Variants in USP12 observed in about 807,000 individuals in gnomAD.
The protein encoded by USP12 is ubiquitin specific peptidase 12.
A neutral mutation model predicts 45.5 loss-of-function variants in USP12; 19 were observed. The observed-to-expected ratio is 0.42, with a 90% CI of 0.29 to 0.61. The LOEUF (loss-of-function observed/expected upper bound fraction) is 0.61, where lower values mean the gene tolerates loss of function less well. Among genes scored for constraint, USP12 ranks in the 20% least tolerant of loss-of-function variants. The pLI, the probability that USP12 is intolerant of heterozygous loss-of-function variation, is 0.22. For missense variants in USP12, 242 were observed against 447.7 expected, an observed-to-expected ratio of 0.54 and a Z score of 4.15; for synonymous variants, 149 against 148.8, an observed-to-expected ratio of 1.00 and a Z score of -0.01.
chr13:27,109,840 C>A (rs1407910328), intron 2 of USP12, among the ~76,000 whole-genome samples: 1 of 143,646 alleles, frequency 7.0e-6, no homozygotes, highest in South Asian at 2.2e-4. Flanking sequence ...ACACGGGAGG[C>A]TGAGGTTGCA....
At chr13:27,088,290 C>T (rs994410199) in intron 6 of USP12, among the ~76,000 whole-genome samples, 4 of 151,998 alleles carry the variant, frequency 2.6e-5, no homozygotes, top group Non-Finnish European at 4.4e-5. Flanking sequence ...GTGGCGGGCG[C>T]CTGTAGTCCC....
chr13:27,125,304 G>A (rs1440260147), intron 1 of USP12, among the ~76,000 whole-genome samples: 1 of 152,096 alleles, frequency 6.6e-6, no homozygotes, highest in Non-Finnish European at 1.5e-5. Flanking sequence ...ATAAAAATTA[G>A]CTTTTCATGA....
intron 3 of USP12, among the ~76,000 whole-genome samples, chr13:27,098,581 T>C (rs1269090119): frequency 6.6e-6 from 1 of 152,166 alleles, no homozygotes; most frequent in Non-Finnish European, 1.5e-5. Context: ...TATGGAGAAA[T>C]GGACATTCTC....
At chr13:27,080,731 G>A (rs1373077012) in intron 6 of USP12, among the ~76,000 whole-genome samples, 1 of 152,144 alleles carries the variant, frequency 6.6e-6, no homozygotes, top group Non-Finnish European at 1.5e-5. Flanking sequence ...AGTGAGGACC[G>A]CAATAAAGTG....
intron 1 of USP12, among the ~76,000 whole-genome samples, chr13:27,143,723 C>T (rs1877176833): frequency 6.6e-6 from 1 of 152,212 alleles, no homozygotes; most frequent in Non-Finnish European, 1.5e-5. Flanking sequence ...ATGAAGAACA[C>T]AGTATCACTT....
At chr13:27,133,126 C>T (rs1876587429) in intron 1 of USP12, among the ~76,000 whole-genome samples, 1 of 152,212 alleles carries the variant, frequency 6.6e-6, no homozygotes, top group African/African-American at 2.4e-5. Context: ...ATCCTATTTA[C>T]TATCTTGCAA....
At chr13:27,098,005 G>A (rs1364538728) in intron 3 of USP12, among the ~76,000 whole-genome samples, 1 of 131,784 alleles carries the variant, frequency 7.6e-6, no homozygotes, top group African/African-American at 2.9e-5. Context: ...TTTTTTTTGA[G>A]ATGGAGTTTT....
chr13:27,103,959 G>A (rs963268856), intron 3 of USP12, among the ~76,000 whole-genome samples: 5 of 152,116 alleles, frequency 3.3e-5, no homozygotes, highest in Non-Finnish European at 5.9e-5. Flanking sequence ...CCATGTGATA[G>A]GTTAATAAGG....
In USP12 at chr13:27,067,089, C is replaced by A. The variant is rs1565978389; in HGVS notation, c.*2194G>T. The A allele has an allele frequency of 6.6e-6, 1 of 151,990 alleles. No homozygotes were observed. Among genetic ancestry groups the A allele is most frequent in the Non-Finnish European group, 1.5e-5 (1 of 67,988 alleles). The allele number at this position is 151,990 out of a possible 1,614,324, so 9.4% of individuals were successfully genotyped here. A position where few individuals can be genotyped will look rare whatever the true frequency, so the allele number is the denominator to read the frequency against. ...CAGGAACTCAACACATACACTAGAA[C>A]TTGCTTTAATATGAAATTTAACTTG... On this transcript the variant is annotated 3_prime_UTR_variant, in exon 9 of 9. Transcript: ENST00000282344.
chr13:27,112,455 A>AT (rs61084865), intron 2 of USP12, among the ~76,000 whole-genome samples: 1,595 of 142,364 alleles, frequency 0.011, 28 homozygotes, highest in African/African-American at 0.036. Context: ...TGCTCCCAGC[A>AT]TTTTTTTTTT....
At chr13:27,102,827 A>C (rs1209327238) in intron 3 of USP12, among the ~76,000 whole-genome samples, 1 of 152,198 alleles carries the variant, frequency 6.6e-6, no homozygotes, top group African/African-American at 2.4e-5. Context: ...TTTCTGTATC[A>C]TCAGTTCCTA....
At position 27,136,313 on chromosome 13, in the gene USP12, C is replaced by T. The variant is rs553643638; in HGVS notation, c.49-19717G>A. On this transcript the variant is annotated intron_variant, in intron 1 of 8. Coordinates refer to ENST00000282344, the MANE Select transcript of USP12 (RefSeq NM_182488.4). ...AGGAATTCGAGACCAGCCTGGCCAA[C>T]ATGGCGAAACCCCATCTCTACTAAA... 2.0e-5 allele frequency among the ~76,000 whole-genome samples: 3 copies of T among 152,304 alleles called. No homozygotes were observed. The East Asian group carries it at 5.8e-4, about 29-fold the overall frequency.
At chr13:27,126,916 C>T (rs1485069418) in intron 1 of USP12, among the ~76,000 whole-genome samples, 1 of 152,158 alleles carries the variant, frequency 6.6e-6, no homozygotes, top group Non-Finnish European at 1.5e-5. Context: ...ACAAAGCAAA[C>T]TTCCTTTGCC....
intron 1 of USP12, among the ~76,000 whole-genome samples, chr13:27,148,593 G>A (rs1877414978): frequency 6.7e-6 from 1 of 149,432 alleles, no homozygotes; most frequent in Non-Finnish European, 1.5e-5. Context: ...AGAATTGCTT[G>A]AACCCGGGAG....
At position 27,117,836 on chromosome 13, in the gene USP12, C is replaced by T. The variant is rs182062908; in HGVS notation, c.49-1240G>A. On this transcript the variant is annotated intron_variant, in intron 1 of 8. Transcript: ENST00000282344. ...CTCAATTCTGTGCACCTGTGGTCCCCGACGACCATGTGAAAGGGAGGGGGA... is the reference window on the plus strand; with the variant it reads ...CTCAATTCTGTGCACCTGTGGTCCCTGACGACCATGTGAAAGGGAGGGGGA... The T allele has an allele frequency of 2.0e-3, 1,028 of 517,734 alleles. 8 individuals are homozygous for T. Among genetic ancestry groups the T allele is most frequent in the African/African-American group, 0.018 (924 of 51,682 alleles). 32.1% of individuals were successfully genotyped at this position (517,734 alleles called of 1,614,324 possible). A position where few individuals can be genotyped will look rare whatever the true frequency, so the allele number is the denominator to read the frequency against.
chr13:27,169,343 G>C (rs1386467788), intron 1 of USP12, among the ~76,000 whole-genome samples: 1 of 152,130 alleles, frequency 6.6e-6, no homozygotes, highest in Admixed American at 6.5e-5. Flanking sequence ...GTGTGGCAGG[G>C]AGGAGCGTTC....
At chr13:27,127,610 C>G (rs973513204) in intron 1 of USP12, among the ~76,000 whole-genome samples, 3 of 152,140 alleles carry the variant, frequency 2.0e-5, no homozygotes, top group Non-Finnish European at 4.4e-5. Flanking sequence ...CTCCCACCTA[C>G]CCTCCATATC....
rs1873023170 is a variant in USP12 at position 27,066,918 on chromosome 13, T to G, written c.*2365A>C. On this transcript the variant is annotated 3_prime_UTR_variant, in exon 9 of 9. Coordinates refer to ENST00000282344, the MANE Select transcript of USP12 (RefSeq NM_182488.4). ...GACCCTATACGTTTTAAAAGTACAT[T>G]TAGTTTCTGATAAACTTCAAAACAT... 6.6e-6 allele frequency: 1 copy of G among 152,202 alleles called. No individual in the cohort carries two copies. Among genetic ancestry groups the G allele is most frequent in the African/African-American group, 2.4e-5 (1 of 41,454 alleles). The allele number at this position is 152,202 out of a possible 1,614,324, so 9.4% of individuals were successfully genotyped here. A position where few individuals can be genotyped will look rare whatever the true frequency, so the allele number is the denominator to read the frequency against.
chr13:27,069,840 G>C (rs941037015), intron 8 of USP12, among the ~76,000 whole-genome samples: 1 of 152,122 alleles, frequency 6.6e-6, no homozygotes, highest in African/African-American at 2.4e-5. Flanking sequence ...CCAGCTACTC[G>C]GGAGGCTGAG....
Sources: gnomAD v4.1 joint callset for allele counts (sites outside exome capture counted in the v4.1 genomes callset) on GRCh38, gnomAD v4.1.1 for gene constraint, MANE v1.5 for transcripts, NCBI Gene and HGNC (gene_info 2026-07-23, HGNC 2026-07-21) for gene names.